KDR: variants seen among roughly 807,000 people sequenced by gnomAD.
KDR encodes kinase insert domain receptor.
KDR carries 43 observed loss-of-function variants against 160.9 expected under a neutral mutation model. The ratio of observed to expected loss-of-function variants is 0.27; its 90% CI spans 0.21 to 0.34. The LOEUF is 0.34. KDR is among the 10% of genes least tolerant of loss of function. The pLI, the probability that KDR is intolerant of heterozygous loss-of-function variation, is 1.00. For synonymous variants in KDR, 617 were observed against 600.1 expected, an observed-to-expected ratio of 1.03 and a Z score of -0.41; for missense variants, 1,469 against 1,666.4, an observed-to-expected ratio of 0.88 and a Z score of 2.06.
At position 55,100,822 on chromosome 4, in the gene KDR, C is replaced by T. The variant is rs1044674683; in HGVS notation, c.2266+1075G>A. Among the ~76,000 whole-genome samples, 64 of 152,080 alleles carry T rather than the reference C, an allele frequency of 4.2e-4. 1 individual carries two copies. Among genetic ancestry groups the T allele is most frequent in the Admixed American group, 1.3e-4 (2 of 15,264 alleles). ...GTTCATAGAAATCCATCGATCCCTT[C>T]TATCACCATACTTCTTTCTTACCCT... On this transcript the variant is annotated intron_variant, in intron 15 of 29. Transcript: ENST00000263923.
At chr4:55,102,138 A>G in intron 14 of KDR, 110 bp from the exon 15 acceptor site, 1 of 1,489,870 alleles carries the variant, frequency 6.7e-7, no homozygotes, top group Non-Finnish European at 9.3e-7. Flanking sequence ...TCTATTATCT[A>G]ACTCTGTAGA....
chr4:55,117,027 T>A (rs759272517), intron 3 of KDR, among the ~76,000 whole-genome samples: 2 of 152,214 alleles, frequency 1.3e-5, no homozygotes, highest in Non-Finnish European at 2.9e-5. Context: ...GGATTGCCAC[T>A]TCTTAATATT....
At chr4:55,098,859 G>T in intron 15 of KDR, 56 bp from the exon 16 acceptor site, 1 of 1,373,118 alleles carries the variant, frequency 7.3e-7, no homozygotes, top group Non-Finnish European at 1.0e-6. Context: ...CTTTTTGTTT[G>T]TAAGATGACA....
In KDR at chr4:55,110,430, T is replaced by A. The variant is rs1720547588; in HGVS notation, c.1228A>T (p.Ser410Cys). 1 of 1,614,094 alleles carries A rather than the reference T, an allele frequency of 6.2e-7. No individual in the cohort carries two copies. Among genetic ancestry groups the A allele is most frequent in the Non-Finnish European group, 8.5e-7 (1 of 1,179,980 alleles). ...LTNPISKEKQ[S>C]HVVSLVVYVP... ...TACACAACCAGAGAGACCACATGGC[T>A]CTGCTTCTCCTTTGAAATGGGATTG... Residue 410 changes from serine (S) to cysteine (C), a missense_variant, in exon 9 of 30, where the codon AGC becomes TGC. Around this residue, in one of 7 missense-constraint regions of KDR, gnomAD observed 792 missense variants for 840.9 expected, o/e 0.94. Coordinates refer to ENST00000263923, the MANE Select transcript of KDR (RefSeq NM_002253.4).
At position 55,087,466 on chromosome 4, in the gene KDR, A is replaced by G. The variant is rs111929943; in HGVS notation, c.3662+141T>C. 9.2e-5 allele frequency: 67 copies of G among 724,646 alleles called. 1 individual carries two copies. Among genetic ancestry groups the G allele is most frequent in the African/African-American group, 9.2e-4 (52 of 56,346 alleles). 44.9% of individuals were successfully genotyped at this position (724,646 alleles called of 1,614,324 possible). A position where few individuals can be genotyped will look rare whatever the true frequency, so the allele number is the denominator to read the frequency against. ...AGGCCCTCTTCCAGGAGCATTCCCC[A>G]TTATGTTAACCTCAGGGCTAAGGTT... On this transcript the variant is annotated intron_variant, in intron 27 of 29. Transcript: ENST00000263923.
At chr4:55,082,284 C>A (rs576749200) in intron 28 of KDR, among the ~76,000 whole-genome samples, 2 of 152,318 alleles carry the variant, frequency 1.3e-5, no homozygotes, top group Non-Finnish European at 1.5e-5. Flanking sequence ...CTGTTACCAT[C>A]GCTGTCTTCA....
intron 2 of KDR, 38 bp downstream of exon 2, chr4:55,121,059 C>T (rs776167141): frequency 7.2e-7 from 1 of 1,387,966 alleles, no homozygotes; most frequent in South Asian, 1.2e-5. Context: ...CAATCAGTTA[C>T]TTAACACAAG....
intron 1 of KDR, among the ~76,000 whole-genome samples, chr4:55,124,981 G>T (rs1446742281): frequency 6.6e-6 from 1 of 152,166 alleles, no homozygotes; most frequent in Non-Finnish European, 1.5e-5. Context: ...TGCTCCAGCC[G>T]AGGTCCCTGT....
rs547802826 is a variant in KDR, at chr4:55,089,625, G to A, written c.3304+66C>T. 1.9e-5 allele frequency: 28 copies of A among 1,453,294 alleles called. 1 individual carries two copies. The South Asian group carries it at 2.4e-4, about 12-fold the overall frequency. The allele number at this position is 1,453,294 out of a possible 1,614,324, so 90.0% of individuals were successfully genotyped here. On this transcript the variant is annotated intron_variant, in intron 24 of 29. Coordinates refer to ENST00000263923, the MANE Select transcript of KDR (RefSeq NM_002253.4). ...TGCCTGATAGACATGAAGTACAGGA[G>A]AGGAAAAGACAACTTTTGTCTTCCT... is the stretch of plus-strand genomic sequence containing the variant.
At chr4:55,112,183 T>A (rs79171220) in intron 7 of KDR, among the ~76,000 whole-genome samples, 3,767 of 152,214 alleles carry the variant, frequency 0.025, 149 homozygotes, top group African/African-American at 0.084. Flanking sequence ...TTGAACTACA[T>A]GAGTCCACTT....
intron 1 of KDR, among the ~76,000 whole-genome samples, chr4:55,124,856 A>G (rs1281083039): frequency 6.6e-6 from 1 of 152,128 alleles, no homozygotes; most frequent in African/African-American, 2.4e-5. Flanking sequence ...GCGCGCAGCC[A>G]GACAACTTTT....
intron 3 of KDR, among the ~76,000 whole-genome samples, chr4:55,116,827 G>GAAGT (rs1358219772): frequency 6.6e-6 from 1 of 152,146 alleles, no homozygotes; most frequent in African/African-American, 2.4e-5. Flanking sequence ...GAAGACTAGG[G>GAAGT]AAGTAAGGTG....
rs1019988006 is a variant in KDR, at chr4:55,079,695, G to A, written c.*246C>T. The A allele has an allele frequency of 5.3e-6, 3 of 565,172 alleles. No homozygotes were observed. The highest frequency in any genetic ancestry group is 6.0e-5 in the Admixed American group (2 of 33,162). 35.0% of individuals were successfully genotyped at this position (565,172 alleles called of 1,614,324 possible). A position where few individuals can be genotyped will look rare whatever the true frequency, so the allele number is the denominator to read the frequency against. Reference sequence around the variant, plus strand: ...ACCCGCAGCAGGGGGCATGATAAATGCTTTTTAAATGAATGAAAAAGAGGA... The same window carrying A: ...ACCCGCAGCAGGGGGCATGATAAATACTTTTTAAATGAATGAAAAAGAGGA... On this transcript the variant is annotated 3_prime_UTR_variant, in exon 30 of 30. Coordinates refer to ENST00000263923, the MANE Select transcript of KDR (RefSeq NM_002253.4).
At chr4:55,110,049 A>C (rs1283159549) in intron 9 of KDR, among the ~76,000 whole-genome samples, 1 of 152,194 alleles carries the variant, frequency 6.6e-6, no homozygotes, top group South Asian at 2.1e-4. Flanking sequence ...GGTCTTACAC[A>C]TCTGTGTACC....
At chr4:55,115,250 T>G (rs1275539963) in intron 4 of KDR, 31 bp downstream of exon 4, 1 of 1,580,548 alleles carries the variant, frequency 6.3e-7, no homozygotes, top group Non-Finnish European at 8.7e-7. Flanking sequence ...TTATAAAAAC[T>G]TAAGAGACGA....
chr4:55,089,509 G>T, intron 24 of KDR, 36 bp from the exon 25 acceptor site: 2 of 1,525,934 alleles, frequency 1.3e-6, no homozygotes, highest in South Asian at 2.2e-5. Flanking sequence ...TCTTTGATTT[G>T]ATTTTCTCTT....
Position 55,118,762 on chromosome 4 carries a change from T to C in KDR, c.200A>G (p.Gln67Arg). Residue 67 changes from glutamine to arginine, a missense_variant, in exon 3 of 30, where the codon CAG (glutamine) becomes CGG (arginine). Physicochemically the swap from Gln to Arg is conservative, Grantham distance 43. Coordinates refer to ENST00000263923, the MANE Select transcript of KDR (RefSeq NM_002253.4). The stretch of plus-strand genomic sequence containing the variant: ...CTCCACCCTTTGCTCACTGCCACTC[T>C]GATTATTGGGCCAAAGCCAGTCCAA... ...RDLDWLWPNNQSGSEQRVEVT... is the reference protein window; with the variant it reads ...RDLDWLWPNNRSGSEQRVEVT... 8 of 1,614,210 alleles carry C rather than the reference T, an allele frequency of 5.0e-6. No homozygotes were observed. Among genetic ancestry groups the C allele is most frequent in the Non-Finnish European group, 6.8e-6 (8 of 1,180,016 alleles).
Position 55,110,755 on chromosome 4 carries a change from A to G in KDR, c.990T>C (p.Val330=), listed in dbSNP as rs1171861839. Reference sequence around the variant, plus strand: ...GAGATTCCATGCCACTTCCAAAAGCAACAAAAGGTTTTTCTGGAAGAAAAT... The same window carrying G: ...GAGATTCCATGCCACTTCCAAAAGCGACAAAAGGTTTTTCTGGAAGAAAAT... ...TFVRVHEKPF[V]AFGSGMESLV... Residue 330 remains valine (V), a synonymous_variant, in exon 8 of 30, where the codon GTT becomes GTC. Coordinates refer to ENST00000263923, the MANE Select transcript of KDR (RefSeq NM_002253.4). 6.2e-7 allele frequency: 1 copy of G among 1,607,724 alleles called. No homozygotes were observed. The highest frequency in any genetic ancestry group is 8.5e-7 in the Non-Finnish European group (1 of 1,178,568).
At chr4:55,096,471 G>A in intron 18 of KDR, 129 bp from the exon 19 acceptor site, 1 of 677,548 alleles carries the variant, frequency 1.5e-6, no homozygotes. Context: ...CTAGTTTACA[G>A]ACCACATGCA....
Sources: gnomAD v4.1 joint callset for allele counts (sites outside exome capture counted in the v4.1 genomes callset) on GRCh38, gnomAD v4.1.1 for gene constraint, gnomAD v4.1.1 regional missense constraint, MANE v1.5 for transcripts, NCBI Gene and HGNC (gene_info 2026-07-23, HGNC 2026-07-21) for gene names.